GALNTL6: variants seen among roughly 807,000 people sequenced by gnomAD.
GALNTL6 encodes polypeptide N-acetylgalactosaminyltransferase-like 6.
In GALNTL6, 46 loss-of-function variants were observed where a neutral mutation model predicts 73.7. That is an observed-to-expected ratio of 0.62 (90% CI 0.49 to 0.80). The LOEUF (loss-of-function observed/expected upper bound fraction) is 0.80, where lower values mean the gene tolerates loss of function less well. GALNTL6 is among the 30% of genes least tolerant of loss of function. The probability of loss-of-function intolerance (pLI) is 0.00; values close to 1 mark genes in which losing one functional copy is unlikely to be tolerated. For missense variants in GALNTL6, 604 were observed against 755.0 expected, an observed-to-expected ratio of 0.80 and a Z score of 2.34; for synonymous variants, 259 against 263.7, an observed-to-expected ratio of 0.98 and a Z score of 0.17.
At chr4:172,652,052 G>A (rs1370084128) in intron 5 of GALNTL6, among the ~76,000 whole-genome samples, 1 of 152,182 alleles carries the variant, frequency 6.6e-6, no homozygotes. Flanking sequence ...GCTAATATGA[G>A]TCTTAGAATC....
intron 2 of GALNTL6, among the ~76,000 whole-genome samples, chr4:172,025,016 G>T (rs1741515878): frequency 6.6e-6 from 1 of 151,756 alleles, no homozygotes; most frequent in Admixed American, 6.6e-5. Flanking sequence ...CATAAACCTG[G>T]GATGGGAACA....
rs759581339 is a variant in GALNTL6, at chr4:172,952,081, G to A, written c.1194G>A (p.Glu398=). 1.2e-6 allele frequency: 2 copies of A among 1,613,966 alleles called. No homozygotes were observed. Among genetic ancestry groups the A allele is most frequent in the Admixed American group, 3.3e-5 (2 of 59,988 alleles). The change falls in exon 10 of 13, where the codon GAG becomes GAA. Residue 398 remains glutamate, a synonymous_variant. Transcript: ENST00000506823. ...VAETWMDEFA[E]YIYQRRPEYR... is the part of the protein sequence containing the mutation. ...AGACCTGGATGGATGAATTTGCCGA[G>A]TACATTTACCAGCGGCGGCCGGAGT...
intron 5 of GALNTL6, among the ~76,000 whole-genome samples, chr4:172,496,157 G>A (rs13113495): frequency 0.14 from 21,966 of 151,612 alleles, 1,834 homozygotes; most frequent in Non-Finnish European, 0.2. Context: ...ATGGAAATGT[G>A]AAAAAACAAT....
intron 5 of GALNTL6, among the ~76,000 whole-genome samples, chr4:172,705,774 T>A (rs1372762512): frequency 6.6e-6 from 1 of 152,156 alleles, no homozygotes; most frequent in African/African-American, 2.4e-5. Context: ...TTTTTTTCCT[T>A]TAGCACTATT....
At chr4:172,004,915 G>A (rs1740789715) in intron 2 of GALNTL6, among the ~76,000 whole-genome samples, 2 of 149,930 alleles carry the variant, frequency 1.3e-5, no homozygotes, top group South Asian at 4.2e-4. Flanking sequence ...GAAAAAGTTT[G>A]GAACCTTAGA....
intron 10 of GALNTL6, among the ~76,000 whole-genome samples, chr4:172,959,167 C>A (rs1490411825): frequency 6.6e-6 from 1 of 151,920 alleles, no homozygotes; most frequent in African/African-American, 2.4e-5. Context: ...GTAAGGGGTG[C>A]ATGATCGGTC....
chr4:171,882,009 T>G (rs1030425288), intron 2 of GALNTL6, among the ~76,000 whole-genome samples: 13 of 152,334 alleles, frequency 8.5e-5, no homozygotes, highest in Non-Finnish European at 1.8e-4. Context: ...AATTTGACCT[T>G]TGAGAATTAT....
rs555048087 is a variant in GALNTL6 at position 172,454,720 on chromosome 4, T to C, written c.553+106031T>C. Among the ~76,000 whole-genome samples, 373 of 152,342 alleles carry C rather than the reference T, an allele frequency of 2.4e-3. 2 individuals carry two copies. The highest frequency in any genetic ancestry group is 8.5e-3 in the African/African-American group (354 of 41,572). ...AATCACACCAGAGCTTTAGACTCTA[T>C]ATTGTACATCAACCTGGATGCTCAG... is the stretch of plus-strand genomic sequence containing the variant. On this transcript the variant is annotated intron_variant, in intron 5 of 12. Transcript: ENST00000506823.
At chr4:172,221,550 G>A (rs147933321) in intron 2 of GALNTL6, among the ~76,000 whole-genome samples, 1,511 of 129,264 alleles carry the variant, frequency 0.012, 18 homozygotes, top group Non-Finnish European at 0.019. Flanking sequence ...ACACTAATTT[G>A]TGGAGTTTGT....
intron 2 of GALNTL6, among the ~76,000 whole-genome samples, chr4:172,195,568 C>A (rs1273928997): frequency 6.6e-6 from 1 of 152,038 alleles, no homozygotes; most frequent in Non-Finnish European, 1.5e-5. Flanking sequence ...TGCAAAAGAA[C>A]TGAAAGCATG....
chr4:172,169,446 G>A (rs1734741192), intron 2 of GALNTL6, among the ~76,000 whole-genome samples: 1 of 152,092 alleles, frequency 6.6e-6, no homozygotes, highest in African/African-American at 2.4e-5. Flanking sequence ...AAAAATAAAT[G>A]TCATAGTGAT....
At chr4:172,960,906 C>T (rs552349396) in intron 10 of GALNTL6, among the ~76,000 whole-genome samples, 1 of 151,956 alleles carries the variant, frequency 6.6e-6, no homozygotes, top group East Asian at 1.9e-4. Context: ...AGGAGGCAAG[C>T]CCAGAGAAAA....
chr4:172,672,611 C>G (rs1732052066), intron 5 of GALNTL6, among the ~76,000 whole-genome samples: 1 of 151,954 alleles, frequency 6.6e-6, no homozygotes, highest in Admixed American at 6.6e-5. Context: ...CTTTGTACAT[C>G]TGGTGGCATT....
intron 5 of GALNTL6, among the ~76,000 whole-genome samples, chr4:172,770,827 T>C (rs866562039): frequency 5.3e-5 from 8 of 152,322 alleles, no homozygotes; most frequent in Middle Eastern, 3.4e-3. Context: ...GGACTATTTT[T>C]GACATTAAAT....
At chr4:171,962,649 T>C (rs554622032) in intron 2 of GALNTL6, among the ~76,000 whole-genome samples, 3 of 152,206 alleles carry the variant, frequency 2.0e-5, no homozygotes, top group African/African-American at 4.8e-5. Context: ...CCACCCCTTG[T>C]TTACCAAATA....
chr4:172,463,300 A>G (rs1732681303), intron 5 of GALNTL6, among the ~76,000 whole-genome samples: 1 of 152,026 alleles, frequency 6.6e-6, no homozygotes, highest in Non-Finnish European at 1.5e-5. Flanking sequence ...ATAGGATGAC[A>G]CTAAAAAAAT....
At chr4:171,935,077 T>A (rs759970818) in intron 2 of GALNTL6, among the ~76,000 whole-genome samples, 2 of 152,170 alleles carry the variant, frequency 1.3e-5, no homozygotes, top group Non-Finnish European at 2.9e-5. Flanking sequence ...CACTTTTTTT[T>A]GCAGGATGTG....
At chr4:172,555,354 C>T (rs1424619986) in intron 5 of GALNTL6, among the ~76,000 whole-genome samples, 1 of 152,098 alleles carries the variant, frequency 6.6e-6, no homozygotes, top group Non-Finnish European at 1.5e-5. Flanking sequence ...GTAACTCTAG[C>T]ATGTGCCATG....
chr4:171,974,124 C>G (rs1739648897), intron 2 of GALNTL6, among the ~76,000 whole-genome samples: 1 of 152,094 alleles, frequency 6.6e-6, no homozygotes. Flanking sequence ...CTCAGCTTCT[C>G]AAGTAGCTGG....
Sources: gnomAD v4.1 joint callset for allele counts (sites outside exome capture counted in the v4.1 genomes callset) on GRCh38, gnomAD v4.1.1 for gene constraint, MANE v1.5 for transcripts, NCBI Gene and HGNC (gene_info 2026-07-23, HGNC 2026-07-21) for gene names.